Variants in MDH2 observed in about 807,000 individuals in gnomAD.
MDH2 encodes malate dehydrogenase, mitochondrial.
MDH2 carries 25 observed loss-of-function variants against 33.6 expected under a neutral mutation model. The ratio of observed to expected loss-of-function variants is 0.74; its 90% CI spans 0.54 to 1.04. MDH2 has a LOEUF of 1.04. Among genes scored for constraint, MDH2 ranks in the 50% least tolerant of loss-of-function variants. The pLI is 0.00. For missense variants in MDH2, 432 were observed against 445.0 expected (o/e 0.97, Z 0.26); for synonymous variants, 193 against 188.7 (o/e 1.02, Z -0.19).
intron 5 of MDH2, 36 bp downstream of exon 5, chr7:76,060,534 C>G: frequency 6.2e-7 from 1 of 1,609,242 alleles, no homozygotes; most frequent in East Asian, 2.2e-5. Context: ...GGTGACCTTT[C>G]TGAACTTCTC....
intron 1 of MDH2, chr7:76,048,624 T>G: frequency 7.8e-7 from 1 of 1,275,414 alleles, no homozygotes; most frequent in Non-Finnish European, 9.9e-7. Flanking sequence ...TCCGTGTGAG[T>G]TGTGCGTGAA....
intron 5 of MDH2, 121 bp downstream of exon 5, chr7:76,060,619 AAT>A: frequency 1.3e-5 from 18 of 1,429,870 alleles, no homozygotes; most frequent in Non-Finnish European, 1.7e-5. Context: ...TGGGGTTTTA[AAT>A]GTTTTTAGAG....
At position 76,063,524 on chromosome 7, in the gene MDH2, C is replaced by G. The variant is rs782733818; in HGVS notation, c.565C>G (p.Pro189Ala). Residue 189 changes from proline (P) to alanine (A), a missense_variant, in exon 6 of 9, where the codon CCA becomes GCA. Physicochemically the swap from Pro to Ala is conservative, Grantham distance 27 (BLOSUM62 -1). Transcript: ENST00000315758. ...TFVAELKGLD[P>A]ARVNVPVIGG... Reference sequence around the variant, plus strand: ...ATACTTTGGTCACCAGGGTTTGGATCCAGCTCGAGTCAACGTCCCTGTCAT... The same window carrying G: ...ATACTTTGGTCACCAGGGTTTGGATGCAGCTCGAGTCAACGTCCCTGTCAT... 2 of 1,614,242 alleles carry G rather than the reference C, an allele frequency of 1.2e-6. No individual in the cohort carries two copies. Among genetic ancestry groups the G allele is most frequent in the South Asian group, 2.2e-5 (2 of 91,092 alleles).
rs781956363 is a variant in MDH2 at position 76,060,430 on chromosome 7, C to G, written c.487C>G (p.Pro163Ala). ...EVFKKHGVYN[P>A]NKIFGVTTLD... ...TTTCAAGAAGCATGGAGTGTACAAC[C>G]CCAACAAAATCTTCGGCGTGACGAC... Residue 163 changes from proline (P) to alanine (A), a missense_variant, in exon 5 of 9, where the codon CCC becomes GCC. Physicochemically the swap from Pro to Ala is conservative, Grantham distance 27 (BLOSUM62 -1). Transcript: ENST00000315758. 1 of 1,614,134 alleles carries G rather than the reference C, an allele frequency of 6.2e-7. No homozygotes were observed. The highest frequency in any genetic ancestry group is 8.5e-7 in the Non-Finnish European group (1 of 1,180,016).
chr7:76,055,738 A>C (rs1038431383), intron 2 of MDH2, among the ~76,000 whole-genome samples: 1 of 130,940 alleles, frequency 7.6e-6, no homozygotes, highest in Non-Finnish European at 1.6e-5. Flanking sequence ...CACTGTTTCC[A>C]AAAAAAAAAA....
intron 2 of MDH2, among the ~76,000 whole-genome samples, chr7:76,056,755 G>A (rs927107765): frequency 4.6e-5 from 7 of 152,030 alleles, no homozygotes; most frequent in Admixed American, 6.6e-5. Flanking sequence ...GGTCACTCCT[G>A]TAATCCCAGT....
intron 5 of MDH2, among the ~76,000 whole-genome samples, chr7:76,063,223 C>T (rs1227675186): frequency 6.6e-6 from 1 of 152,306 alleles, no homozygotes; most frequent in Middle Eastern, 3.4e-3. Context: ...CAGCATCCTC[C>T]CATGCCCATC....
intron 1 of MDH2, among the ~76,000 whole-genome samples, chr7:76,051,289 C>T (rs1423397044): frequency 1.3e-5 from 2 of 151,688 alleles, no homozygotes; most frequent in African/African-American, 4.8e-5. Context: ...TGGGCTTGAG[C>T]CCATGGTGCA....
At chr7:76,065,782 T>C (rs1798079145) in intron 8 of MDH2, among the ~76,000 whole-genome samples, 1 of 152,198 alleles carries the variant, frequency 6.6e-6, no homozygotes, top group African/African-American at 2.4e-5. Flanking sequence ...ATGCCTGTTT[T>C]TGCCAATGTC....
intron 1 of MDH2, among the ~76,000 whole-genome samples, chr7:76,052,336 G>A (rs560615268): frequency 1.2e-4 from 18 of 151,866 alleles, no homozygotes; most frequent in African/African-American, 4.4e-4. Flanking sequence ...CAGCTAAGGT[G>A]GGGAGGATGG....
Position 76,053,841 on chromosome 7 carries a change from C to T in MDH2, c.67-989C>T, listed in dbSNP as rs565410360. Reference sequence around the variant, plus strand: ...GGGTATGGCTGTAATTTTGGTCAGACCTTGAGTGAGACCTAGAGGGGAAGA... The same window carrying T: ...GGGTATGGCTGTAATTTTGGTCAGATCTTGAGTGAGACCTAGAGGGGAAGA... On this transcript the variant is annotated intron_variant, in intron 1 of 8. Transcript: ENST00000315758. Among the ~76,000 whole-genome samples, 6 of 152,230 alleles carry T rather than the reference C, an allele frequency of 3.9e-5. No individual in the cohort carries two copies. In the South Asian group the frequency reaches 1.2e-3, roughly 32 times the overall value.
chr7:76,065,043 C>A lies in MDH2; in HGVS notation c.885+90C>A, dbSNP rs1798059218. On this transcript the variant is annotated intron_variant, in intron 8 of 8. Transcript: ENST00000315758. ...CAGGAGCTCTCCCTGGCCCTTTATG[C>A]AGTAAGCTCATGTGCCTGCCTGGCG... is the stretch of plus-strand genomic sequence containing the variant. 3.4e-6 allele frequency: 5 copies of A among 1,473,098 alleles called. No individual in the cohort carries two copies. The Admixed American group carries it at 5.4e-5, about 16-fold the overall frequency. 91.3% of individuals were successfully genotyped at this position (1,473,098 alleles called of 1,614,324 possible). A position where few individuals can be genotyped will look rare whatever the true frequency, so the allele number is the denominator to read the frequency against.
Position 76,066,412 on chromosome 7 carries a change from C to G in MDH2, c.*2C>G, listed in dbSNP as rs1798099111. ...GATTTCGTGAAGACCCTGAAGTGAG[C>G]CGCTGTGACGGGTGGCCAGTTTCCT... On this transcript the variant is annotated 3_prime_UTR_variant, in exon 9 of 9. Transcript: ENST00000315758. 1 of 1,608,232 alleles carries G rather than the reference C, an allele frequency of 6.2e-7. No individual in the cohort carries two copies. Among genetic ancestry groups the G allele is most frequent in the Middle Eastern group, 1.7e-4 (1 of 6,002 alleles).
chr7:76,055,334 C>T (rs956297634), intron 2 of MDH2, among the ~76,000 whole-genome samples: 4 of 152,078 alleles, frequency 2.6e-5, no homozygotes. Flanking sequence ...GGCCACCTTC[C>T]CTCCACCCCA....
chr7:76,066,230 C>T, intron 8 of MDH2, 49 bp from the exon 9 acceptor site: 2 of 1,591,298 alleles, frequency 1.3e-6, no homozygotes, highest in African/African-American at 1.4e-5. Flanking sequence ...GTTTCTCTAA[C>T]AAGCACTTTC....
At chr7:76,060,078 G>A (rs528190206) in intron 4 of MDH2, among the ~76,000 whole-genome samples, 16 of 152,218 alleles carry the variant, frequency 1.1e-4, no homozygotes, top group South Asian at 2.1e-4. Flanking sequence ...TGTGAGTCCC[G>A]GCCGAGCAGA....
In MDH2 at chr7:76,049,123, C is replaced by T. The variant is rs901427085; in HGVS notation, c.66+897C>T. 50 of 984,508 alleles carry T rather than the reference C, an allele frequency of 5.1e-5. No individual in the cohort carries two copies. In the African/African-American group the frequency reaches 8.4e-4, roughly 17 times the overall value. 61.0% of individuals were successfully genotyped at this position (984,508 alleles called of 1,614,324 possible). ...TTAAAGGGGAATCCAAATTTATCAT[C>T]GAAGTTCTCGAGTTTCCTGTACATC... On this transcript the variant is annotated intron_variant, in intron 1 of 8. Transcript: ENST00000315758.
rs546596957 is a variant in MDH2, at chr7:76,061,659, C to G, written c.555+1161C>G. 1.3e-4 allele frequency among the ~76,000 whole-genome samples: 19 copies of G among 148,308 alleles called. 1 individual carries two copies. The South Asian group carries it at 3.8e-3, about 30-fold the overall frequency. ...TGTCTCTTTAAAAAAAAAAAAAAAA[C>G]AGTTTGAGTGAGCAGGTGAGCGCAG... On this transcript the variant is annotated intron_variant, in intron 5 of 8. Coordinates refer to ENST00000315758, the MANE Select transcript of MDH2 (RefSeq NM_005918.4).
chr7:76,056,345 AT>A (rs1797781764), intron 2 of MDH2, among the ~76,000 whole-genome samples: 1 of 152,150 alleles, frequency 6.6e-6, no homozygotes, highest in Non-Finnish European at 1.5e-5. Context: ...AAAGTTCCAA[AT>A]TGCTGTCCAG....
Sources: allele counts gnomAD v4.1 joint callset (sites outside exome capture counted in the v4.1 genomes callset), GRCh38; gene constraint gnomAD v4.1.1; transcripts MANE v1.5; gene names NCBI Gene and HGNC (gene_info 2026-07-23, HGNC 2026-07-21).